Variants in AKAP7 observed in about 807,000 individuals in gnomAD.
AKAP7 encodes A kinase (PRKA) anchor protein 7.
Under a neutral mutation model 39.5 loss-of-function variants are expected in AKAP7, and 39 were observed. That is an observed-to-expected ratio of 0.99 (90% CI 0.76 to 1.29). AKAP7 has a LOEUF of 1.29. AKAP7 is among the 50% of genes most tolerant of loss of function. AKAP7 has a pLI of 0.00. For synonymous variants in AKAP7, 140 were observed against 139.1 expected (o/e 1.01, Z -0.05); for missense variants, 414 against 407.7 (o/e 1.02, Z -0.13).
intron 4 of AKAP7, among the ~76,000 whole-genome samples, chr6:131,168,870 G>GT (rs1346372091): frequency 6.6e-6 from 1 of 151,908 alleles, no homozygotes; most frequent in Non-Finnish European, 1.5e-5. Flanking sequence ...GTAAAATAGT[G>GT]TCTACTTTCA....
intron 7 of AKAP7, among the ~76,000 whole-genome samples, chr6:131,241,480 C>G (rs576715110): frequency 1.3e-5 from 2 of 151,394 alleles, no homozygotes; most frequent in East Asian, 3.9e-4. Context: ...ATTTTGGTGA[C>G]AAGAAGATGA....
At chr6:131,148,186 C>G (rs986100619) in intron 2 of AKAP7, among the ~76,000 whole-genome samples, 1 of 152,180 alleles carries the variant, frequency 6.6e-6, no homozygotes, top group African/African-American at 2.4e-5. Flanking sequence ...GTGATGTTAT[C>G]TATGTATACT....
intron 6 of AKAP7, among the ~76,000 whole-genome samples, chr6:131,203,176 A>T (rs2082340994): frequency 6.6e-6 from 1 of 152,186 alleles, no homozygotes; most frequent in African/African-American, 2.4e-5. Context: ...AGATGATTTC[A>T]TTTATTTACT....
chr6:131,178,503 C>G (rs552503144), intron 5 of AKAP7, among the ~76,000 whole-genome samples: 60 of 152,248 alleles, frequency 3.9e-4, no homozygotes, highest in Non-Finnish European at 6.9e-4. Flanking sequence ...CATCCTACAC[C>G]CATACACCAC....
intron 1 of AKAP7, among the ~76,000 whole-genome samples, 157 bp from the exon 2 acceptor site, chr6:131,145,128 A>G (rs1371268582): frequency 6.6e-6 from 1 of 152,224 alleles, no homozygotes; most frequent in East Asian, 1.9e-4. Flanking sequence ...AAATGTTTAT[A>G]TAAATAGCTT....
intron 7 of AKAP7, among the ~76,000 whole-genome samples, chr6:131,275,818 T>C (rs773027858): frequency 3.3e-5 from 5 of 152,204 alleles, no homozygotes; most frequent in Non-Finnish European, 2.9e-5. Flanking sequence ...GAAATGAAGA[T>C]TCCAAATGCG....
chr6:131,183,163 C>T (rs895318610), intron 5 of AKAP7, among the ~76,000 whole-genome samples: 5 of 152,144 alleles, frequency 3.3e-5, no homozygotes, highest in African/African-American at 1.2e-4. Context: ...AAAAAGACAA[C>T]TTCAAAGTGA....
At chr6:131,278,120 A>G (rs1263246355) in intron 7 of AKAP7, among the ~76,000 whole-genome samples, 2 of 152,188 alleles carry the variant, frequency 1.3e-5, no homozygotes, top group Non-Finnish European at 2.9e-5. Context: ...AATTCACTTG[A>G]CTAACAAATA....
chr6:131,253,104 TGG>T lies in AKAP7; in HGVS notation c.851-28425_851-28424del, dbSNP rs1391129797. ...GCAAGGATATACCCAGTTGGTCAAG[TGG>T]TAAGAGTCAAGTGACCCCTCCCCTC... On this transcript the variant is annotated intron_variant, in intron 7 of 7. Coordinates refer to ENST00000431975, the MANE Select transcript of AKAP7 (RefSeq NM_016377.4). 6 of 1,612,924 alleles carry T rather than the reference TGG, an allele frequency of 3.7e-6. No homozygotes were observed. The African/African-American group carries it at 8.0e-5, about 22-fold the overall frequency.
In AKAP7 at chr6:131,158,323, C is replaced by T. The variant is rs557906346; in HGVS notation, c.152-1736C>T. On this transcript the variant is annotated intron_variant, in intron 2 of 7. Transcript: ENST00000431975. ...TGGGTTGAGCCCAGACTTCTTTTCA[C>T]AATCCTTCTTAAGGCATTGTGTGCA... 2.6e-5 allele frequency among the ~76,000 whole-genome samples: 4 copies of T among 152,250 alleles called. No homozygotes were observed. In the South Asian group the frequency reaches 8.3e-4, roughly 32 times the overall value.
intron 3 of AKAP7, among the ~76,000 whole-genome samples, chr6:131,162,618 A>T (rs925297492): frequency 6.6e-6 from 1 of 152,062 alleles, no homozygotes; most frequent in African/African-American, 2.4e-5. Context: ...CCTCTTTTCC[A>T]TGTTCTCTGA....
At chr6:131,236,155 A>G (rs1811039904) in intron 7 of AKAP7, among the ~76,000 whole-genome samples, 1 of 152,000 alleles carries the variant, frequency 6.6e-6, no homozygotes, top group Non-Finnish European at 1.5e-5. Context: ...CATTTATTAA[A>G]TAGGGAATCG....
chr6:131,230,579 G>A (rs1466130323), intron 7 of AKAP7, among the ~76,000 whole-genome samples: 2 of 152,138 alleles, frequency 1.3e-5, no homozygotes, highest in Non-Finnish European at 2.9e-5. Context: ...CTGTGCAGAA[G>A]TCCTTTAATT....
chr6:131,267,343 T>C (rs1813885601), intron 7 of AKAP7, among the ~76,000 whole-genome samples: 1 of 152,208 alleles, frequency 6.6e-6, no homozygotes, highest in Non-Finnish European at 1.5e-5. Flanking sequence ...AGGAATGTTC[T>C]GAGACCGAAG....
intron 7 of AKAP7, among the ~76,000 whole-genome samples, chr6:131,246,260 C>T (rs1376304808): frequency 6.6e-6 from 1 of 152,116 alleles, no homozygotes; most frequent in Non-Finnish European, 1.5e-5. Flanking sequence ...CCACCCACCT[C>T]ATACTTTTTA....
At chr6:131,142,434 G>A (rs1391617391) in intron 1 of AKAP7, among the ~76,000 whole-genome samples, 1 of 152,212 alleles carries the variant, frequency 6.6e-6, no homozygotes, top group East Asian at 1.9e-4. Context: ...TGGTCACTTT[G>A]GAGAGCACAA....
At chr6:131,201,043 A>G (rs1004896614) in intron 6 of AKAP7, 5 of 152,224 alleles carry the variant, frequency 3.3e-5, no homozygotes, top group African/African-American at 1.2e-4. Context: ...TAAATGATTT[A>G]TTGGCAGTTA....
rs1562852466 is a variant in AKAP7, at chr6:131,135,513, T to TGCC, written c.-249_-248insCGC. ...CCTGGCATGCGGGTGCTGCGGCTGCTGCGGCTGCCGCCGCCGCTGCTGCCG... is the reference window on the plus strand; with the variant it reads ...CCTGGCATGCGGGTGCTGCGGCTGCTGCCGCGGCTGCCGCCGCCGCTGCTGCCG... On this transcript the variant is annotated 5_prime_UTR_variant, in exon 1 of 8. Coordinates refer to ENST00000431975, the MANE Select transcript of AKAP7 (RefSeq NM_016377.4). Among the ~76,000 whole-genome samples, 1 of 148,596 alleles carries TGCC rather than the reference T, an allele frequency of 6.7e-6. No homozygotes were observed. The highest frequency in any genetic ancestry group is 1.5e-5 in the Non-Finnish European group (1 of 66,838).
Position 131,187,526 on chromosome 6 carries a change from G to T in AKAP7, c.590-11935G>T, listed in dbSNP as rs182641440. 8.2e-4 allele frequency among the ~76,000 whole-genome samples: 125 copies of T among 152,124 alleles called. 3 individuals carry two copies. In the East Asian group the frequency reaches 0.02, roughly 24 times the overall value. On this transcript the variant is annotated intron_variant, in intron 5 of 7. Transcript: ENST00000431975. ...GGCCTTTTTTCTCCAAAGTAGAAATGATCATTTTATCCTCTTATCCCCTAT... is the reference window on the plus strand; with the variant it reads ...GGCCTTTTTTCTCCAAAGTAGAAATTATCATTTTATCCTCTTATCCCCTAT...
Sources: gnomAD v4.1 joint callset for allele counts (sites outside exome capture counted in the v4.1 genomes callset) on GRCh38, gnomAD v4.1.1 for gene constraint, MANE v1.5 for transcripts, NCBI Gene and HGNC (gene_info 2026-07-23, HGNC 2026-07-21) for gene names.